The following GFRA1 variants were observed in gnomAD, a reference collection of about 807,000 sequenced individuals.
The protein encoded by GFRA1 is GDNF family receptor alpha 1.
GFRA1 carries 16 observed loss-of-function variants against 51.6 expected under a neutral mutation model. The observed-to-expected ratio is 0.31, with a 90% CI of 0.21 to 0.47. The LOEUF (loss-of-function observed/expected upper bound fraction) is 0.47, where lower values mean the gene tolerates loss of function less well. Among genes scored for constraint, GFRA1 ranks in the 20% least tolerant of loss-of-function variants. The pLI is 1.00. For synonymous variants in GFRA1, 270 were observed against 241.3 expected, an observed-to-expected ratio of 1.12 and a Z score of -1.10; for missense variants, 530 against 594.3, an observed-to-expected ratio of 0.89 and a Z score of 1.13.
intron 5 of GFRA1, among the ~76,000 whole-genome samples, chr10:116,206,425 G>A (rs1589872088): frequency 1.3e-5 from 2 of 152,186 alleles, no homozygotes; most frequent in East Asian, 3.9e-4. Flanking sequence ...AAATGGCAGT[G>A]GGCCCGTCAC....
At chr10:116,245,555 T>C (rs911454434) in intron 4 of GFRA1, among the ~76,000 whole-genome samples, 4 of 152,206 alleles carry the variant, frequency 2.6e-5, no homozygotes, top group African/African-American at 2.4e-5. Flanking sequence ...ACTTTAAATA[T>C]GATCCAGCAA....
chr10:116,199,967 T>C (rs71472883), intron 5 of GFRA1, among the ~76,000 whole-genome samples: 3,506 of 152,354 alleles, frequency 0.023, 58 homozygotes, highest in Non-Finnish European at 0.035. Flanking sequence ...TGGAACCATA[T>C]AGAATGTTGC....
intron 5 of GFRA1, among the ~76,000 whole-genome samples, chr10:116,166,298 C>T (rs1960394707): frequency 6.6e-6 from 1 of 152,142 alleles, no homozygotes; most frequent in African/African-American, 2.4e-5. Flanking sequence ...ATTTATATTC[C>T]TTTGGGTACA....
At chr10:116,254,786 G>A (rs1352396406) in intron 4 of GFRA1, among the ~76,000 whole-genome samples, 2 of 152,176 alleles carry the variant, frequency 1.3e-5, no homozygotes, top group African/African-American at 4.8e-5. Context: ...CCTTGTCACA[G>A]GAAGAATATC....
intron 5 of GFRA1, among the ~76,000 whole-genome samples, chr10:116,145,354 A>T (rs1380078860): frequency 6.6e-6 from 1 of 152,016 alleles, no homozygotes; most frequent in East Asian, 1.9e-4. Flanking sequence ...AATAAAAAAG[A>T]CTGTCAAGCT....
At position 116,111,301 on chromosome 10, in the gene GFRA1, G is replaced by A. The variant is rs540631832; in HGVS notation, c.770+13920C>T. Among the ~76,000 whole-genome samples the A allele has an allele frequency of 2.6e-5, 4 of 152,310 alleles. No individual in the cohort carries two copies. In the East Asian group the frequency reaches 7.7e-4, roughly 29 times the overall value. ...TGTCTACTTCTTCATGTGCAGTGAGGGCAAGGTCCCAACTGCAGTGGGGCC... is the reference window on the plus strand; with the variant it reads ...TGTCTACTTCTTCATGTGCAGTGAGAGCAAGGTCCCAACTGCAGTGGGGCC... On this transcript the variant is annotated intron_variant, in intron 6 of 10. Coordinates refer to ENST00000355422, the MANE Select transcript of GFRA1 (RefSeq NM_005264.8).
chr10:116,094,134 C>T (rs1039857577), intron 7 of GFRA1, among the ~76,000 whole-genome samples: 5 of 152,270 alleles, frequency 3.3e-5, no homozygotes, highest in Middle Eastern at 3.4e-3. Context: ...ACTTAGAGAA[C>T]GCATGAGTTG....
intron 6 of GFRA1, among the ~76,000 whole-genome samples, chr10:116,104,271 C>G (rs1159867932): frequency 6.6e-6 from 1 of 152,228 alleles, no homozygotes; most frequent in African/African-American, 2.4e-5. Context: ...TTTCCTGGGA[C>G]AGAAAGGCCC....
rs7071695 is a variant in GFRA1, at chr10:116,063,752, G to T, written c.*646C>A. On this transcript the variant is annotated 3_prime_UTR_variant, in exon 11 of 11. Transcript: ENST00000355422. ...GACGAAAAGACAGATACTATATTTGGATGTGACAGGTGTTTTTTCTTTTGT... is the reference window on the plus strand; with the variant it reads ...GACGAAAAGACAGATACTATATTTGTATGTGACAGGTGTTTTTTCTTTTGT... 1 of 152,364 alleles carries T rather than the reference G, an allele frequency of 6.6e-6. No individual in the cohort carries two copies. The highest frequency in any genetic ancestry group is 1.5e-5 in the Non-Finnish European group (1 of 68,202). 9.4% of individuals were successfully genotyped at this position (152,364 alleles called of 1,614,324 possible). A position where few individuals can be genotyped will look rare whatever the true frequency, so the allele number is the denominator to read the frequency against.
intron 5 of GFRA1, among the ~76,000 whole-genome samples, chr10:116,146,857 T>C (rs1958821784): frequency 6.6e-6 from 1 of 152,198 alleles, no homozygotes; most frequent in Non-Finnish European, 1.5e-5. Context: ...TTTGCAAATT[T>C]TACAAATTTT....
intron 4 of GFRA1, among the ~76,000 whole-genome samples, chr10:116,241,944 C>A (rs1967416926): frequency 6.6e-6 from 1 of 152,092 alleles, no homozygotes; most frequent in African/African-American, 2.4e-5. Context: ...AAAAAATGGT[C>A]ATTTCCAAAA....
At chr10:116,180,838 A>G (rs1020108377) in intron 5 of GFRA1, among the ~76,000 whole-genome samples, 5 of 152,266 alleles carry the variant, frequency 3.3e-5, no homozygotes, top group Admixed American at 3.3e-4. Context: ...CCCTTCTATA[A>G]GCTGTGTCTG....
Position 116,062,577 on chromosome 10 carries a change from G to C in GFRA1, c.*1821C>G, listed in dbSNP as rs1954870222. On this transcript the variant is annotated 3_prime_UTR_variant, in exon 11 of 11. Coordinates refer to ENST00000355422, the MANE Select transcript of GFRA1 (RefSeq NM_005264.8). ...TTCCCCCCAGTGACTTATCTTACAAGGCAAACACCAGCAGGCAAAGGGGAT... is the reference window on the plus strand; with the variant it reads ...TTCCCCCCAGTGACTTATCTTACAACGCAAACACCAGCAGGCAAAGGGGAT... 6.5e-6 allele frequency: 1 copy of C among 152,878 alleles called. No homozygotes were observed. Among genetic ancestry groups the C allele is most frequent in the South Asian group, 2.1e-4 (1 of 4,826 alleles). 9.5% of individuals were successfully genotyped at this position (152,878 alleles called of 1,614,324 possible).
At chr10:116,111,835 G>A (rs1372722642) in intron 6 of GFRA1, among the ~76,000 whole-genome samples, 4 of 152,176 alleles carry the variant, frequency 2.6e-5, no homozygotes, top group Admixed American at 6.5e-5. Context: ...GGAGATCCAC[G>A]GCCCCAGAGC....
At chr10:116,125,126 T>C (rs1957799791) in intron 6 of GFRA1, 95 bp downstream of exon 6, 2 of 1,081,682 alleles carry the variant, frequency 1.8e-6, no homozygotes, top group Non-Finnish European at 2.8e-6. Flanking sequence ...TCCTCTACCT[T>C]GGTAGAAGCA....
chr10:116,255,806 A>G, intron 4 of GFRA1: 2 of 1,231,690 alleles, frequency 1.6e-6, no homozygotes, highest in Non-Finnish European at 2.1e-6. Context: ...ATTCCCTGGC[A>G]CACAGTCAGT....
At chr10:116,069,210 G>A (rs982682291) in intron 9 of GFRA1, among the ~76,000 whole-genome samples, 7 of 152,208 alleles carry the variant, frequency 4.6e-5, no homozygotes, top group Middle Eastern at 3.4e-3. Flanking sequence ...GAGAAGATGC[G>A]TTTTATTTTT....
At chr10:116,252,282 G>A (rs905778824) in intron 4 of GFRA1, among the ~76,000 whole-genome samples, 2 of 152,072 alleles carry the variant, frequency 1.3e-5, no homozygotes, top group African/African-American at 4.8e-5. Flanking sequence ...AGCCATTTCT[G>A]AGAGGCTGTT....
intron 6 of GFRA1, among the ~76,000 whole-genome samples, chr10:116,124,148 G>C (rs1245725161): frequency 1.3e-5 from 2 of 151,866 alleles, no homozygotes; most frequent in Non-Finnish European, 2.9e-5. Flanking sequence ...CAAGCGATCT[G>C]CCTGCCTCAG....
Sources: gnomAD v4.1 joint callset for allele counts (sites outside exome capture counted in the v4.1 genomes callset) on GRCh38, gnomAD v4.1.1 for gene constraint, MANE v1.5 for transcripts, NCBI Gene and HGNC (gene_info 2026-07-23, HGNC 2026-07-21) for gene names.